AKAP19: variants seen among roughly 807,000 people sequenced by gnomAD.
AKAP19 encodes the protein A-kinase anchoring protein 19.
the AKAP19 span, among the ~76,000 whole-genome samples, chr2:190,102,385 A>C: frequency 2.0e-5 from 3 of 152,196 alleles, no homozygotes; most frequent in Non-Finnish European, 4.4e-5. Context: ...CACACAAAGA[A>C]TCAATGAAAT....
chr2:190,166,317 CTT>C, the AKAP19 span, among the ~76,000 whole-genome samples: 4,176 of 64,816 alleles, frequency 0.064, 12 homozygotes, highest in Middle Eastern at 0.091. Context: ...AAAATCCACT[CTT>C]TTTTTTTTTT....
chr2:190,018,347 T>C, the AKAP19 span, among the ~76,000 whole-genome samples: 19 of 152,128 alleles, frequency 1.2e-4, no homozygotes, highest in African/African-American at 4.6e-4. Context: ...TTTTTTTTCG[T>C]TTTGGTCTTC....
chr2:190,129,693 A>G, the AKAP19 span, among the ~76,000 whole-genome samples: 2 of 152,024 alleles, frequency 1.3e-5, no homozygotes, highest in South Asian at 2.1e-4. Flanking sequence ...ACCAAACCAG[A>G]CAAGTGGAGA....
At chr2:190,057,131 A>G in the AKAP19 span, 8 of 943,300 alleles carry the variant, frequency 8.5e-6, no homozygotes, top group Admixed American at 4.8e-5. Flanking sequence ...TACATACTGT[A>G]GCTTATGCTT....
At chr2:189,977,734 T>C in the AKAP19 span, among the ~76,000 whole-genome samples, 1 of 152,288 alleles carries the variant, frequency 6.6e-6, no homozygotes. Context: ...AATCTTGGGG[T>C]ACTTGAACAT....
chr2:189,914,378 G>A, the AKAP19 span, among the ~76,000 whole-genome samples: 4 of 152,058 alleles, frequency 2.6e-5, no homozygotes, highest in South Asian at 2.1e-4. Flanking sequence ...ATGAATTGAC[G>A]AATGTTCTTG....
chr2:190,015,379 C>T, the AKAP19 span, among the ~76,000 whole-genome samples: 1 of 152,250 alleles, frequency 6.6e-6, no homozygotes, highest in South Asian at 2.1e-4. Flanking sequence ...TCTGAAACAA[C>T]AGCCTCAGCT....
chr2:189,907,512 T>A, the AKAP19 span, among the ~76,000 whole-genome samples: 1 of 152,140 alleles, frequency 6.6e-6, no homozygotes, highest in African/African-American at 2.4e-5. Flanking sequence ...TTCTATACTA[T>A]ATAATCTACG....
At chr2:190,062,098 C>G in the AKAP19 span, 2 of 978,580 alleles carry the variant, frequency 2.0e-6, no homozygotes, top group South Asian at 1.6e-5. Context: ...AAGAGAAACT[C>G]TTTTCCTTTC....
At chr2:190,058,317 A>T in the AKAP19 span, among the ~76,000 whole-genome samples, 2 of 152,044 alleles carry the variant, frequency 1.3e-5, no homozygotes, top group Non-Finnish European at 2.9e-5. Context: ...ACAACATATT[A>T]ACCACTGGAC....
At chr2:189,929,572 G>A in the AKAP19 span, among the ~76,000 whole-genome samples, 2 of 150,470 alleles carry the variant, frequency 1.3e-5, no homozygotes, top group Admixed American at 1.3e-4. Flanking sequence ...TTTTTTAATA[G>A]AAAAGGGATA....
chr2:190,166,412 A>G, the AKAP19 span, among the ~76,000 whole-genome samples: 1 of 150,144 alleles, frequency 6.7e-6, no homozygotes, highest in Non-Finnish European at 1.5e-5. Flanking sequence ...AGACTAAAAT[A>G]AATGGAGTGC....
chr2:190,059,330 G>A, the AKAP19 span, among the ~76,000 whole-genome samples: 1 of 151,904 alleles, frequency 6.6e-6, no homozygotes, highest in Admixed American at 6.6e-5. Context: ...ATAAGGTATT[G>A]TCATTTACTT....
At chr2:190,200,244 G>C in the AKAP19 span, 1 of 982,006 alleles carries the variant, frequency 1.0e-6, no homozygotes, top group Non-Finnish European at 1.6e-6. Context: ...ATAACTATCT[G>C]GATTTAAAAA....
At chr2:189,981,749 T>G in the AKAP19 span, among the ~76,000 whole-genome samples, 1 of 152,228 alleles carries the variant, frequency 6.6e-6, no homozygotes, top group African/African-American at 2.4e-5. Flanking sequence ...TCCTCTAGAA[T>G]ATGTTTATGA....
the AKAP19 span, among the ~76,000 whole-genome samples, chr2:189,935,042 A>G: frequency 6.6e-6 from 1 of 152,168 alleles, no homozygotes; most frequent in Admixed American, 6.5e-5. Flanking sequence ...CTGATCTTTG[A>G]ACAGCTCCTA....
At chr2:190,156,382 A>G in the AKAP19 span, among the ~76,000 whole-genome samples, 1 of 152,176 alleles carries the variant, frequency 6.6e-6, no homozygotes, top group East Asian at 1.9e-4. Context: ...CCAAGATAGG[A>G]CCTAGAAGTT....
chr2:190,158,492 A>G, the AKAP19 span, among the ~76,000 whole-genome samples: 37,987 of 152,174 alleles, frequency 0.25, 4,961 homozygotes, highest in Middle Eastern at 0.38. Context: ...GTAAGAATTT[A>G]TATATAGATT....
chr2:190,109,109 T>C, the AKAP19 span, among the ~76,000 whole-genome samples: 1 of 152,202 alleles, frequency 6.6e-6, no homozygotes, highest in East Asian at 1.9e-4. Flanking sequence ...ATTTTGCATA[T>C]GTTATGCCAG....
Sources: allele counts gnomAD v4.1 joint callset (sites outside exome capture counted in the v4.1 genomes callset), GRCh38; gene constraint gnomAD v4.1.1; transcripts MANE v1.5; gene names NCBI Gene and HGNC (gene_info 2026-07-23, HGNC 2026-07-21).